Variants in KIF17 observed in about 807,000 individuals in gnomAD.
The protein encoded by KIF17 is kinesin family member 17.
Under a neutral mutation model 96.8 loss-of-function variants are expected in KIF17, and 80 were observed. That is an observed-to-expected ratio of 0.83 (90% CI 0.69 to 1.00). The LOEUF (loss-of-function observed/expected upper bound fraction) is 1.00. Among genes scored for constraint, KIF17 ranks in the 50% least tolerant of loss-of-function variants. The pLI is 0.00. For missense variants in KIF17, 1,280 were observed against 1,372.9 expected (o/e 0.93, Z 1.07); for synonymous variants, 567 against 587.5 (o/e 0.97, Z 0.51).
chr1:20,714,362 C>T (rs1275153073), intron 2 of KIF17, among the ~76,000 whole-genome samples: 1 of 151,272 alleles, frequency 6.6e-6, no homozygotes, highest in African/African-American at 2.4e-5. Context: ...TGGTGGTGGA[C>T]ACCTGTAATC....
rs747719983 is a variant in KIF17 at position 20,705,893 on chromosome 1, C to CTTTTTTT, written c.671-1001_671-995dup. ...GTCTATAATCCTCAGTAGGATGTCTCTTTTTTTTTTTTTTTTTTTTTTTTT... is the reference window on the plus strand; with the variant it reads ...GTCTATAATCCTCAGTAGGATGTCTCTTTTTTTTTTTTTTTTTTTTTTTTTTTTTTTT... On this transcript the variant is annotated intron_variant, in intron 4 of 14. Transcript: ENST00000400463. Among the ~76,000 whole-genome samples the CTTTTTTT allele has an allele frequency of 4.3e-4, 23 of 53,566 alleles. 2 individuals are homozygous for CTTTTTTT. Among genetic ancestry groups the CTTTTTTT allele is most frequent in the Non-Finnish European group, 5.0e-4 (14 of 28,142 alleles). The allele number at this position is 53,566 out of a possible 152,430, so 35.1% of individuals were successfully genotyped here.
intron 6 of KIF17, among the ~76,000 whole-genome samples, chr1:20,692,309 T>G (rs1039897303): frequency 6.7e-6 from 1 of 148,702 alleles, no homozygotes; most frequent in African/African-American, 2.5e-5. Context: ...GCAGAAGGCC[T>G]CCTGCACTGC....
chr1:20,701,082 G>C (rs1157476967), intron 5 of KIF17, among the ~76,000 whole-genome samples: 3 of 152,122 alleles, frequency 2.0e-5, no homozygotes, highest in Non-Finnish European at 4.4e-5. Flanking sequence ...TGTGAGTCAC[G>C]ATGGGCTTTC....
intron 13 of KIF17, among the ~76,000 whole-genome samples, chr1:20,669,563 A>ATAATAAAT (rs1491153365): frequency 9.6e-6 from 1 of 104,458 alleles, no homozygotes; most frequent in African/African-American, 3.7e-5. Flanking sequence ...AATAATAATA[A>ATAATAAAT]TAAATAAAAT....
At chr1:20,675,593 C>G (rs2053725070) in intron 11 of KIF17, among the ~76,000 whole-genome samples, 2 of 152,120 alleles carry the variant, frequency 1.3e-5, no homozygotes, top group South Asian at 4.2e-4. Flanking sequence ...AGCTTTGCAA[C>G]CAGGAAGTGT....
downstream of KIF17, among the ~76,000 whole-genome samples, chr1:20,662,398 CAG>C (rs1242035389): frequency 6.6e-6 from 1 of 152,166 alleles, no homozygotes; most frequent in Non-Finnish European, 1.5e-5. Flanking sequence ...ACTGTAGAGA[CAG>C]AAGGTAGCAG....
intron 7 of KIF17, among the ~76,000 whole-genome samples, chr1:20,689,017 AT>A (rs965166414): frequency 1.2e-4 from 18 of 152,004 alleles, no homozygotes; most frequent in Admixed American, 1.0e-3. Flanking sequence ...GAGGGTCTTG[AT>A]TTTTCCCTTT....
At position 20,704,042 on chromosome 1, in the gene KIF17, A is replaced by G. The variant is rs78189539; in HGVS notation, c.1123+405T>C. ...ATGCCAGGGCGCAAAAGCTGCAGTA[A>G]CAAGGTGCCTGCGAGGAGCAGGTGT... On this transcript the variant is annotated intron_variant, in intron 5 of 14. Coordinates refer to ENST00000400463, the MANE Select transcript of KIF17 (RefSeq NM_001122819.3). The surrounding 1 kb of genome is among the most constrained non-coding windows in gnomAD (Gnocchi z 6.8). Among the ~76,000 whole-genome samples, 19 of 152,232 alleles carry G rather than the reference A, an allele frequency of 1.2e-4. No homozygotes were observed. The East Asian group carries it at 3.7e-3, about 29-fold the overall frequency.
At chr1:20,698,568 G>A (rs535669394) in intron 5 of KIF17, 80 bp from the exon 6 acceptor site, 32 of 902,042 alleles carry the variant, frequency 3.5e-5, no homozygotes, top group Admixed American at 7.5e-5. Context: ...ATAAAAAGAC[G>A]ACCTCATGGT....
In KIF17 at chr1:20,686,094, A is replaced by C. The variant is rs2154536004; in HGVS notation, c.1971T>G (p.Ser657Arg). 1 of 1,567,474 alleles carries C rather than the reference A, an allele frequency of 6.4e-7. No individual in the cohort carries two copies. Among genetic ancestry groups the C allele is most frequent in the Non-Finnish European group, 8.7e-7 (1 of 1,155,826 alleles). ...CCGCCTCGGCTTCGGGCCTGGCATC[A>C]CTGGGCTCCAGCAGGTCTGTCGGCG... ...VPAPTDLLEP[S>R]DARPEAEAAD... Residue 657 changes from serine to arginine, a missense_variant, in exon 9 of 15, where the codon AGT becomes AGG. By Grantham distance (110) the Ser-to-Arg change is moderately radical. Transcript: ENST00000400463.
chr1:20,712,564 A>C (rs1480332397), intron 3 of KIF17, among the ~76,000 whole-genome samples: 4 of 79,260 alleles, frequency 5.0e-5, no homozygotes, highest in Admixed American at 1.7e-4. Context: ...TCTATATTAT[A>C]TATATAGATA....
chr1:20,668,258 C>T (rs1402180128), intron 13 of KIF17, among the ~76,000 whole-genome samples: 3 of 150,336 alleles, frequency 2.0e-5, no homozygotes, highest in Non-Finnish European at 3.0e-5. Flanking sequence ...TGCCGTGAGC[C>T]GAGATTGCAC....
chr1:20,689,999 C>A (rs138892244), intron 7 of KIF17, among the ~76,000 whole-genome samples, 189 bp downstream of exon 7: 1 of 152,214 alleles, frequency 6.6e-6, no homozygotes, highest in Non-Finnish European at 1.5e-5. Flanking sequence ...GTTACCTACC[C>A]TCTCTGTGCC....
chr1:20,705,993 C>T (rs532235741), intron 4 of KIF17, among the ~76,000 whole-genome samples: 4 of 148,384 alleles, frequency 2.7e-5, no homozygotes, highest in South Asian at 2.2e-4. Context: ...AATACAGCCT[C>T]GAACTCCCAG....
At chr1:20,702,750 C>G (rs960452546) in intron 5 of KIF17, among the ~76,000 whole-genome samples, 1 of 152,234 alleles carries the variant, frequency 6.6e-6, no homozygotes, top group Non-Finnish European at 1.5e-5. Flanking sequence ...CTCCGGGAAG[C>G]TTTCCCTCAC....
In KIF17 at chr1:20,682,700, C is replaced by T; in HGVS notation, c.2416G>A (p.Glu806Lys). ...VLLNVYDSIQ[E>K]EVRAKSKLLE... ...AGCTTGCTCTTGGCCCGCACTTCCT[C>T]CTGGATGGAGTCGTAGACGTTAAGC... The change falls in exon 11 of 15, where the codon GAG (glutamate) becomes AAG (lysine). Residue 806 changes from glutamate to lysine, a missense_variant. Physicochemically the swap from Glu to Lys is moderately conservative, Grantham distance 56. Coordinates refer to ENST00000400463, the MANE Select transcript of KIF17 (RefSeq NM_001122819.3). The T allele has an allele frequency of 6.2e-7, 1 of 1,614,010 alleles. No homozygotes were observed.
In KIF17 at chr1:20,684,886, C is replaced by T. The variant is rs1226185933; in HGVS notation, c.2154G>A (p.Arg718=). The change falls in exon 10 of 15, where the codon AGG becomes AGA. Residue 718 remains arginine (R), a synonymous_variant. Transcript: ENST00000400463. ...EPLPATAGVK[R]ESVGMEVAVL... ...CTGCCACCTCCATGCCCACGCTCTC[C>T]CTCTTCACACCAGCTGTGGCCGGCA... The T allele has an allele frequency of 1.3e-6, 2 of 1,598,000 alleles. No homozygotes were observed. Among genetic ancestry groups the T allele is most frequent in the Admixed American group, 3.5e-5 (2 of 57,886 alleles).
chr1:20,673,818 C>T (rs1341735712), intron 11 of KIF17, among the ~76,000 whole-genome samples: 1 of 151,876 alleles, frequency 6.6e-6, no homozygotes. Context: ...GGTGAGCCAC[C>T]GCGCCCGGCC....
At position 20,687,524 on chromosome 1, in the gene KIF17, G is replaced by A. The variant is rs114229809; in HGVS notation, c.1802C>T (p.Pro601Leu). 1.3e-4 allele frequency: 205 copies of A among 1,613,242 alleles called. 1 individual carries two copies. The African/African-American group carries it at 2.1e-3, about 17-fold the overall frequency. ...GEQNYLPQEE[P>L]QEVPLQGLLG... ...TAACCCCTGCAGGGGCACCTCCTGC[G>A]GCTCCTCTTGCGGGAGGTAGTTCTG... Residue 601 changes from proline to leucine, a missense_variant, in exon 8 of 15, where the codon CCG becomes CTG. Physicochemically the swap from Pro to Leu is moderately conservative, Grantham distance 98. Coordinates refer to ENST00000400463, the MANE Select transcript of KIF17 (RefSeq NM_001122819.3). This position sits in a 1 kb window ranked among gnomAD's most constrained non-coding sequence, Gnocchi z 4.4.
Sources: gnomAD v4.1 joint callset for allele counts (sites outside exome capture counted in the v4.1 genomes callset) on GRCh38, gnomAD v4.1.1 for gene constraint, Gnocchi (gnomAD v3.1) non-coding constraint, MANE v1.5 for transcripts, NCBI Gene and HGNC (gene_info 2026-07-23, HGNC 2026-07-21) for gene names.